Variants in ZNF83 observed in about 807,000 individuals in gnomAD.
The protein encoded by ZNF83 is zinc finger protein 816B.
For synonymous variants in ZNF83, 209 were observed against 213.0 expected (o/e 0.98, Z 0.17); for missense variants, 552 against 629.9 (o/e 0.88, Z 1.32).
In ZNF83 at chr19:52,674,707, T is replaced by A. The variant is rs372861843; in HGVS notation, c.-282-13864A>T. Among the ~76,000 whole-genome samples the A allele has an allele frequency of 3.9e-5, 6 of 152,228 alleles. No homozygotes were observed. In the East Asian group the frequency reaches 1.2e-3, roughly 29 times the overall value. On this transcript the variant is annotated intron_variant, in intron 1 of 5. Transcript: ENST00000594682. ...ACTAAGATATACTTAGGAATAAACG[T>A]AAAAATGCGAGAAGTTTCTACCTTG... is the stretch of plus-strand genomic sequence containing the variant.
At chr19:52,645,857 G>C (rs1409596272) in intron 3 of ZNF83, among the ~76,000 whole-genome samples, 2 of 147,748 alleles carry the variant, frequency 1.4e-5, no homozygotes, top group African/African-American at 5.0e-5. Flanking sequence ...AGAGGAAACA[G>C]AAAAAAAAAT....
At chr19:52,630,124 T>C (rs887215843) in intron 2 of ZNF83, among the ~76,000 whole-genome samples, 8 of 152,094 alleles carry the variant, frequency 5.3e-5, no homozygotes, top group Non-Finnish European at 7.4e-5. Flanking sequence ...CCCATCTGTG[T>C]GGGACCCCAC....
intron 2 of ZNF83, among the ~76,000 whole-genome samples, chr19:52,657,011 G>A (rs1158349812): frequency 6.6e-6 from 1 of 152,078 alleles, no homozygotes. Context: ...AGCTACTCAC[G>A]AGGCTGAGGT....
chr19:52,643,342 CAG>C (rs2061331929), upstream of ZNF83, among the ~76,000 whole-genome samples: 1 of 135,758 alleles, frequency 7.4e-6, no homozygotes, highest in East Asian at 2.2e-4. Flanking sequence ...ACCACAGAGT[CAG>C]ACTCTGTCTC....
intron 2 of ZNF83, among the ~76,000 whole-genome samples, chr19:52,658,760 C>T (rs1281018812): frequency 6.6e-6 from 1 of 152,032 alleles, no homozygotes; most frequent in Admixed American, 6.5e-5. Flanking sequence ...GCCTGTTTAC[C>T]CTACCTCCAT....
At chr19:52,666,857 G>A (rs1222015698) in intron 1 of ZNF83, among the ~76,000 whole-genome samples, 1 of 152,154 alleles carries the variant, frequency 6.6e-6, no homozygotes, top group Non-Finnish European at 1.5e-5. Flanking sequence ...AGGTGACTGA[G>A]GGAAAAAGAC....
At chr19:52,634,274 A>T (rs2147183858) in intron 2 of ZNF83, among the ~76,000 whole-genome samples, 1 of 105,026 alleles carries the variant, frequency 9.5e-6, no homozygotes, top group East Asian at 2.2e-4. Flanking sequence ...TCCATCTCAA[A>T]GCAACAACAA....
intron 3 of ZNF83, among the ~76,000 whole-genome samples, chr19:52,646,991 T>C (rs1026186127): frequency 6.6e-6 from 1 of 152,198 alleles, no homozygotes; most frequent in Non-Finnish European, 1.5e-5. Flanking sequence ...GCTCTGTCTT[T>C]GTTCTGGGCT....
At chr19:52,629,247 A>G in intron 2 of ZNF83, among the ~76,000 whole-genome samples, 1 of 152,188 alleles carries the variant, frequency 6.6e-6, no homozygotes, top group Non-Finnish European at 1.5e-5. Context: ...GTCATAAAAT[A>G]AGCAAACGGT....
In ZNF83 at chr19:52,676,568, C is replaced by T. The variant is rs944038177; in HGVS notation, c.-283+13875G>A. 4.5e-4 allele frequency among the ~76,000 whole-genome samples: 68 copies of T among 151,914 alleles called. No homozygotes were observed. The East Asian group carries it at 9.9e-3, about 22-fold the overall frequency. Reference sequence around the variant, plus strand: ...GAGGTGGGGGGCGCCTCTGCCCGGCCGCCCCTACTGGGAAGTGAGGAGCCC... The same window carrying T: ...GAGGTGGGGGGCGCCTCTGCCCGGCTGCCCCTACTGGGAAGTGAGGAGCCC... On this transcript the variant is annotated intron_variant, in intron 1 of 5. Coordinates refer to the ZNF83 transcript ENST00000594682.
At chr19:52,653,867 T>C (rs1164090841) in intron 3 of ZNF83, among the ~76,000 whole-genome samples, 1 of 152,254 alleles carries the variant, frequency 6.6e-6, no homozygotes, top group Non-Finnish European at 1.5e-5. Flanking sequence ...AAATGTGAGC[T>C]ATAATTAAAG....
At chr19:52,669,105 A>T (rs749130334) in intron 1 of ZNF83, among the ~76,000 whole-genome samples, 8 of 152,230 alleles carry the variant, frequency 5.3e-5, no homozygotes, top group Non-Finnish European at 1.2e-4. Context: ...GCATAGTGGT[A>T]TTATGGTGGA....
At chr19:52,688,950 GAAAAAAAAAA>G (rs56247444) in intron 1 of ZNF83, among the ~76,000 whole-genome samples, 17 of 126,804 alleles carry the variant, frequency 1.3e-4, no homozygotes, top group Admixed American at 5.1e-4. Context: ...AAGGTTGAAG[GAAAAAAAAAA>G]AAAAAAAAAA....
chr19:52,618,670 T>A (rs527518537), intron 2 of ZNF83: 28 of 540,866 alleles, frequency 5.2e-5, no homozygotes, highest in Non-Finnish European at 8.4e-5. Context: ...GTGCTGGGAT[T>A]ACAGGCATGA....
chr19:52,683,521 CAAA>C (rs2061962048), intron 1 of ZNF83, among the ~76,000 whole-genome samples: 1 of 23,792 alleles, frequency 4.2e-5, no homozygotes. Context: ...GAAGGGAATC[CAAA>C]GGGAAGGGCA....
chr19:52,620,042 C>T (rs2060476911), intron 2 of ZNF83, among the ~76,000 whole-genome samples: 1 of 152,002 alleles, frequency 6.6e-6, no homozygotes, highest in African/African-American at 2.4e-5. Context: ...AAGCGAGGCC[C>T]CATCTCAAAA....
chr19:52,685,633 T>A (rs1809346), intron 1 of ZNF83, among the ~76,000 whole-genome samples: 106,743 of 151,864 alleles, frequency 0.7, 38,978 homozygotes, highest in African/African-American at 0.92. Context: ...ACGGTAGCTC[T>A]TGCCTGTAAT....
chr19:52,665,309 AG>A (rs934317808), intron 1 of ZNF83, among the ~76,000 whole-genome samples: 1 of 152,052 alleles, frequency 6.6e-6, no homozygotes. Context: ...CCAGCTACTC[AG>A]GAAGCAGGGG....
At chr19:52,622,247 G>A (rs1470550454) in intron 2 of ZNF83, among the ~76,000 whole-genome samples, 1 of 152,110 alleles carries the variant, frequency 6.6e-6, no homozygotes, top group African/African-American at 2.4e-5. Context: ...TCGGCAGAGT[G>A]CATGTACCAT....
Sources: allele counts gnomAD v4.1 joint callset (sites outside exome capture counted in the v4.1 genomes callset), GRCh38; gene constraint gnomAD v4.1.1; transcripts MANE v1.5; gene names NCBI Gene and HGNC (gene_info 2026-07-23, HGNC 2026-07-21).